The following TAF4B variants were observed in gnomAD, a reference collection of about 807,000 sequenced individuals.
TAF4B encodes the protein TATA-box binding protein associated factor 4b, also known as transcription initiation factor TFIID subunit 4B.
TAF4B carries 38 observed loss-of-function variants against 86.4 expected under a neutral mutation model. The ratio of observed to expected loss-of-function variants is 0.44; its 90% CI spans 0.34 to 0.58. The LOEUF (loss-of-function observed/expected upper bound fraction) is 0.58. Ranked by LOEUF, TAF4B falls within the 20% of genes least tolerant of loss-of-function variation. The pLI is 0.02. For missense variants in TAF4B, 988 were observed against 1,027.6 expected, an observed-to-expected ratio of 0.96 and a Z score of 0.53; for synonymous variants, 388 against 391.2, an observed-to-expected ratio of 0.99 and a Z score of 0.10.
chr18:26,238,860 G>A (rs2055791574), intron 1 of TAF4B, among the ~76,000 whole-genome samples: 1 of 152,112 alleles, frequency 6.6e-6, no homozygotes, highest in Admixed American at 6.6e-5. Context: ...AGTCCTTGCA[G>A]TAGATTGCTA....
chr18:26,297,100 C>T (rs1294948871), intron 9 of TAF4B, among the ~76,000 whole-genome samples: 5 of 150,540 alleles, frequency 3.3e-5, no homozygotes, highest in African/African-American at 1.2e-4. Flanking sequence ...CGCCACTGCA[C>T]TCCAGCCTGG....
chr18:26,304,706 T>G, intron 9 of TAF4B: 1 of 985,356 alleles, frequency 1.0e-6, no homozygotes, highest in African/African-American at 1.7e-5. Flanking sequence ...TCATTTGCCC[T>G]TGAGGCAATT....
At chr18:26,319,708 A>G (rs1047164142) in intron 10 of TAF4B, among the ~76,000 whole-genome samples, 3 of 151,532 alleles carry the variant, frequency 2.0e-5, no homozygotes, top group African/African-American at 7.3e-5. Flanking sequence ...TCCTGTCTCA[A>G]CCTCTCGTGT....
rs1425760953 is a variant in TAF4B, at chr18:26,390,156, C to T, written c.*144C>T. The T allele has an allele frequency of 1.3e-6, 1 of 770,318 alleles. No individual in the cohort carries two copies. Among genetic ancestry groups the T allele is most frequent in the East Asian group, 2.6e-5 (1 of 37,798 alleles). The allele number at this position is 770,318 out of a possible 1,614,324, so 47.7% of individuals were successfully genotyped here. ...TTTACAGTTAGAAACTTTATTAACT[C>T]TTACCTATCCATCTCATGGGACTCT... is the stretch of plus-strand genomic sequence containing the variant. On this transcript the variant is annotated 3_prime_UTR_variant, in exon 15 of 15. Transcript: ENST00000269142.
At chr18:26,345,382 C>A (rs76554658) in intron 13 of TAF4B, among the ~76,000 whole-genome samples, 187 of 152,322 alleles carry the variant, frequency 1.2e-3, no homozygotes, top group African/African-American at 4.4e-3. Context: ...GGCATGTCCT[C>A]GGGCCGGCTG....
At position 26,274,762 on chromosome 18, in the gene TAF4B, C is replaced by T; in HGVS notation, c.697C>T (p.Pro233Ser). 6.2e-7 allele frequency: 1 copy of T among 1,614,194 alleles called. No homozygotes were observed. The highest frequency in any genetic ancestry group is 8.5e-7 in the Non-Finnish European group (1 of 1,180,036). Reference sequence around the variant, plus strand: ...TTCAAGTTTGGGAGCATCATCCACTCCTTCAAATGAGCCCAATCTTAAAGC... The same window carrying T: ...TTCAAGTTTGGGAGCATCATCCACTTCTTCAAATGAGCCCAATCTTAAAGC... The part of the protein sequence containing the change: ...KPSSLGASST[P>S]SNEPNLKAEN... Residue 233 changes from proline (P) to serine (S), a missense_variant, in exon 4 of 15, where the codon CCT becomes TCT. Physicochemically the swap from Pro to Ser is moderately conservative, Grantham distance 74. Coordinates refer to ENST00000269142, the MANE Select transcript of TAF4B (RefSeq NM_005640.3).
intron 1 of TAF4B, among the ~76,000 whole-genome samples, chr18:26,243,620 A>G (rs1301202519): frequency 6.6e-6 from 1 of 152,030 alleles, no homozygotes; most frequent in Non-Finnish European, 1.5e-5. Context: ...GCTTCGTTCC[A>G]TTGCTGGTGA....
intron 10 of TAF4B, 35 bp from the exon 11 acceptor site, chr18:26,321,035 C>G: frequency 6.2e-7 from 1 of 1,612,480 alleles, no homozygotes; most frequent in South Asian, 1.1e-5. Flanking sequence ...TCAGCCACTA[C>G]TAAAACACGT....
chr18:26,339,012 C>T (rs1013865786), intron 13 of TAF4B, among the ~76,000 whole-genome samples: 1 of 152,160 alleles, frequency 6.6e-6, no homozygotes, highest in Admixed American at 6.5e-5. Context: ...GAAGAAGTTC[C>T]TGCTGCATAG....
chr18:26,318,681 T>G (rs1416366724), intron 10 of TAF4B, among the ~76,000 whole-genome samples: 2 of 152,112 alleles, frequency 1.3e-5, no homozygotes, highest in African/African-American at 4.8e-5. Flanking sequence ...TTAAAAAGGG[T>G]GTTTTGTTTT....
intron 9 of TAF4B, among the ~76,000 whole-genome samples, chr18:26,309,664 GAATA>G (rs910130732): frequency 2.0e-5 from 3 of 151,892 alleles, no homozygotes; most frequent in Admixed American, 6.6e-5. Flanking sequence ...ATTTTTCAAT[GAATA>G]AATAATACCA....
At chr18:26,357,638 C>T in intron 13 of TAF4B, 52 bp from the exon 14 acceptor site, 2 of 1,278,448 alleles carry the variant, frequency 1.6e-6, no homozygotes, top group Non-Finnish European at 2.2e-6. Flanking sequence ...TTCTTTTTCC[C>T]TCTGAGCATG....
At chr18:26,339,842 T>TA (rs1347176696) in intron 13 of TAF4B, among the ~76,000 whole-genome samples, 4 of 152,232 alleles carry the variant, frequency 2.6e-5, no homozygotes, top group African/African-American at 4.8e-5. Flanking sequence ...ATTTGATAGT[T>TA]ATATATTTTC....
chr18:26,374,136 A>G (rs1418950765), intron 14 of TAF4B, among the ~76,000 whole-genome samples: 1 of 152,212 alleles, frequency 6.6e-6, no homozygotes, highest in Non-Finnish European at 1.5e-5. Flanking sequence ...TATTTCAGTT[A>G]CTGTTCTTCC....
Position 26,390,204 on chromosome 18 carries a change from T to C in TAF4B, c.*192T>C. ...TCTTACAGACTCAGATTCATCTTTG[T>C]CTTCTGAAAATCAGTTATGAAATAC... is the stretch of plus-strand genomic sequence containing the variant. On this transcript the variant is annotated 3_prime_UTR_variant, in exon 15 of 15. Transcript: ENST00000269142. 1 of 525,582 alleles carries C rather than the reference T, an allele frequency of 1.9e-6. No homozygotes were observed. The highest frequency in any genetic ancestry group is 3.2e-6 in the Non-Finnish European group (1 of 309,732). 32.6% of individuals were successfully genotyped at this position (525,582 alleles called of 1,614,324 possible).
intron 6 of TAF4B, among the ~76,000 whole-genome samples, chr18:26,285,222 G>GTTTTTTTTGTTTTTTTTTTTTTTTT (rs1555677504): frequency 1.1e-4 from 5 of 45,692 alleles, no homozygotes; most frequent in Non-Finnish European, 1.3e-4. Flanking sequence ...TTTTTTTTTT[G>GTTTTTTTTGTTTTTTTTTTTTTTTT]TTTTTTTTTT....
At chr18:26,295,223 G>T in intron 9 of TAF4B, 1 of 408,856 alleles carries the variant, frequency 2.4e-6, no homozygotes, top group Non-Finnish European at 4.9e-6. Flanking sequence ...ATATTAAAAT[G>T]TTCACCATCG....
rs183307130 is a variant in TAF4B, at chr18:26,361,116, G to A, written c.2421+3322G>A. On this transcript the variant is annotated intron_variant, in intron 14 of 14. Transcript: ENST00000269142. ...ATCTTATTTTTACGTGTATAATTAA[G>A]TAGTGTTAAACACATTCACGTTGTT... Among the ~76,000 whole-genome samples, 6 of 151,542 alleles carry A rather than the reference G, an allele frequency of 4.0e-5. No homozygotes were observed. In the East Asian group the frequency reaches 1.2e-3, roughly 30 times the overall value.
chr18:26,306,825 C>CTGGA (rs1033397207), intron 9 of TAF4B, among the ~76,000 whole-genome samples: 2 of 1,158 alleles, frequency 1.7e-3, no homozygotes, highest in Non-Finnish European at 0.083. Context: ...GTCTCCCAGG[C>CTGGA]TGGAGTGCAG....
Sources: gnomAD v4.1 joint callset for allele counts (sites outside exome capture counted in the v4.1 genomes callset) on GRCh38, gnomAD v4.1.1 for gene constraint, MANE v1.5 for transcripts, NCBI Gene and HGNC (gene_info 2026-07-23, HGNC 2026-07-21) for gene names.